Variants in ASTN1 observed in about 807,000 individuals in gnomAD.
ASTN1 encodes the protein astrotactin-1.
In ASTN1, 41 loss-of-function variants were observed where a neutral mutation model predicts 140.7. The observed-to-expected ratio is 0.29, with a 90% CI of 0.23 to 0.38. The LOEUF is 0.38. ASTN1 is among the 10% of genes least tolerant of loss of function. The pLI is 1.00. For synonymous variants in ASTN1, 640 were observed against 652.2 expected, an observed-to-expected ratio of 0.98 and a Z score of 0.29; for missense variants, 1,479 against 1,678.8, an observed-to-expected ratio of 0.88 and a Z score of 2.08.
In ASTN1 at chr1:177,069,410, G is replaced by C. The variant is rs189516834; in HGVS notation, c.284-8145C>G. 2.1e-3 allele frequency among the ~76,000 whole-genome samples: 323 copies of C among 152,162 alleles called. 2 individuals carry two copies. The highest frequency in any genetic ancestry group is 7.2e-3 in the African/African-American group (301 of 41,528). Reference sequence around the variant, plus strand: ...CCGAAAGGCTAGGATGGACTAAAACGAACCAACTGAAGAAGCAGGAGTGAT... The same window carrying C: ...CCGAAAGGCTAGGATGGACTAAAACCAACCAACTGAAGAAGCAGGAGTGAT... On this transcript the variant is annotated intron_variant, in intron 1 of 22. Coordinates refer to ENST00000361833, the MANE Select transcript of ASTN1 (RefSeq NM_004319.3).
At chr1:176,952,891 G>A (rs185267873) in intron 11 of ASTN1, among the ~76,000 whole-genome samples, 1 of 152,256 alleles carries the variant, frequency 6.6e-6, no homozygotes, top group East Asian at 1.9e-4. Context: ...TCTTTGCATA[G>A]GTTATATTTA....
At chr1:177,041,049 T>G (rs1479720591) in intron 2 of ASTN1, among the ~76,000 whole-genome samples, 6 of 152,188 alleles carry the variant, frequency 3.9e-5, no homozygotes, top group Non-Finnish European at 8.8e-5. Context: ...GTAGCTACAG[T>G]TACCTGTTGT....
chr1:176,971,682 AC>A (rs1365771307), intron 8 of ASTN1, among the ~76,000 whole-genome samples: 7 of 152,136 alleles, frequency 4.6e-5, no homozygotes, highest in African/African-American at 1.7e-4. Context: ...ATATATAGTG[AC>A]TATTTTCTGC....
intron 1 of ASTN1, among the ~76,000 whole-genome samples, chr1:177,102,403 C>T (rs1310192838): frequency 1.3e-5 from 2 of 151,944 alleles, no homozygotes; most frequent in Non-Finnish European, 2.9e-5. Context: ...AAATTCAGGA[C>T]CATTTGACCC....
chr1:177,137,536 G>A (rs1306645235), intron 1 of ASTN1, among the ~76,000 whole-genome samples: 1 of 152,332 alleles, frequency 6.6e-6, no homozygotes, highest in African/African-American at 2.4e-5. Flanking sequence ...ATGAGCATTA[G>A]ATTCACCTAC....
intron 11 of ASTN1, among the ~76,000 whole-genome samples, chr1:176,950,794 A>G (rs916159076): frequency 1.3e-5 from 2 of 152,092 alleles, no homozygotes; most frequent in African/African-American, 2.4e-5. Flanking sequence ...CTGTATACAT[A>G]TCGCCAACAA....
intron 17 of ASTN1, among the ~76,000 whole-genome samples, chr1:176,893,844 A>G (rs185698485): frequency 6.6e-6 from 1 of 152,236 alleles, no homozygotes; most frequent in East Asian, 1.9e-4. Context: ...GTCCTTGAGG[A>G]CGTTGGAGAG....
At chr1:177,054,068 G>A (rs1283712689) in intron 2 of ASTN1, among the ~76,000 whole-genome samples, 1 of 152,202 alleles carries the variant, frequency 6.6e-6, no homozygotes, top group Non-Finnish European at 1.5e-5. Flanking sequence ...TATATATTGT[G>A]TGCTCACTAT....
intron 16 of ASTN1, among the ~76,000 whole-genome samples, chr1:176,897,542 A>C (rs2103042568): frequency 6.6e-6 from 1 of 152,004 alleles, no homozygotes; most frequent in South Asian, 2.1e-4. Context: ...TGGTGATATA[A>C]GTCTAAAATG....
At chr1:176,950,904 G>A (rs1672164635) in intron 11 of ASTN1, among the ~76,000 whole-genome samples, 1 of 152,030 alleles carries the variant, frequency 6.6e-6, no homozygotes, top group Non-Finnish European at 1.5e-5. Flanking sequence ...CTACTGCCTG[G>A]TTTGCACTTT....
chr1:177,164,282 A>G, intron 1 of ASTN1, 112 bp downstream of exon 1: 2 of 1,098,578 alleles, frequency 1.8e-6, no homozygotes, highest in Non-Finnish European at 1.2e-6. Flanking sequence ...TCCGGGAGGT[A>G]GGAGTGGGGG....
chr1:177,037,467 A>G (rs1321854578), intron 2 of ASTN1, among the ~76,000 whole-genome samples: 1 of 152,358 alleles, frequency 6.6e-6, no homozygotes, highest in South Asian at 2.1e-4. Context: ...AGCATACAGA[A>G]GTTCTTCACA....
At chr1:177,107,712 A>C (rs1279760019) in intron 1 of ASTN1, among the ~76,000 whole-genome samples, 1 of 152,128 alleles carries the variant, frequency 6.6e-6, no homozygotes, top group Non-Finnish European at 1.5e-5. Flanking sequence ...TCTTAGACCT[A>C]AGTCTGGCCA....
chr1:177,164,470 C>T lies in ASTN1; in HGVS notation c.207G>A (p.Ser69=), dbSNP rs1048585068. 1.9e-6 allele frequency: 3 copies of T among 1,613,890 alleles called. No homozygotes were observed. Among genetic ancestry groups the T allele is most frequent in the Non-Finnish European group, 2.5e-6 (3 of 1,179,920 alleles). The change falls in exon 1 of 23, where the codon TCG becomes TCA. Residue 69 remains serine, a synonymous_variant. Transcript: ENST00000361833. ...TTTCTCCCGGGAAGTCGTTGCGCAC[C>T]GAGAAGAGGAGCTTGGGCTCCGAGG... is the stretch of plus-strand genomic sequence containing the variant. ...PSASEPKLLF[S]VRNDFPGEMV...
intron 1 of ASTN1, among the ~76,000 whole-genome samples, chr1:177,081,272 C>T (rs1165426275): frequency 1.3e-5 from 2 of 152,286 alleles, no homozygotes; most frequent in African/African-American, 4.8e-5. Flanking sequence ...GTTATTCATT[C>T]ATTCCTTTAA....
chr1:176,920,573 A>C (rs1415119084), intron 16 of ASTN1, among the ~76,000 whole-genome samples: 1 of 152,144 alleles, frequency 6.6e-6, no homozygotes, highest in East Asian at 1.9e-4. Context: ...TGAAAACCAA[A>C]TCTTGCCCCG....
At chr1:177,029,832 A>C (rs1232206835) in intron 4 of ASTN1, 91 bp from the exon 5 acceptor site, 3 of 1,213,632 alleles carry the variant, frequency 2.5e-6, no homozygotes, top group Non-Finnish European at 3.5e-6. Flanking sequence ...AAAATCAACA[A>C]AAATGAAAGT....
intron 1 of ASTN1, among the ~76,000 whole-genome samples, chr1:177,103,515 G>T (rs996087079): frequency 6.6e-6 from 1 of 152,086 alleles, no homozygotes; most frequent in African/African-American, 2.4e-5. Flanking sequence ...CCTAAAACTG[G>T]ATTTTACATG....
chr1:177,164,249 G>C (rs1451947416), intron 1 of ASTN1, 145 bp downstream of exon 1: 4 of 913,658 alleles, frequency 4.4e-6, no homozygotes, highest in Non-Finnish European at 6.5e-6. Flanking sequence ...TGGGTGTGGA[G>C]AATGGTCCGG....
Sources: gnomAD v4.1 joint callset for allele counts (sites outside exome capture counted in the v4.1 genomes callset) on GRCh38, gnomAD v4.1.1 for gene constraint, MANE v1.5 for transcripts, NCBI Gene and HGNC (gene_info 2026-07-23, HGNC 2026-07-21) for gene names.